Variants in HIVEP2 observed in about 807,000 individuals in gnomAD.
The protein encoded by HIVEP2 is HIVEP zinc finger 2, also known as transcription factor HIVEP2.
HIVEP2 carries 14 observed loss-of-function variants against 180.7 expected under a neutral mutation model. The ratio of observed to expected loss-of-function variants is 0.08; its 90% CI spans 0.05 to 0.12. HIVEP2 has a LOEUF of 0.12. Among genes scored for constraint, HIVEP2 ranks in the 10% least tolerant of loss-of-function variants. The pLI, the probability that HIVEP2 is intolerant of heterozygous loss-of-function variation, is 1.00. For synonymous variants in HIVEP2, 1,184 were observed against 1,136.4 expected (o/e 1.04, Z -0.84); for missense variants, 2,579 against 3,008.5 (o/e 0.86, Z 3.34).
chr6:142,928,326 C>A (rs1208270675), intron 1 of HIVEP2, among the ~76,000 whole-genome samples: 1 of 151,972 alleles, frequency 6.6e-6, no homozygotes, highest in African/African-American at 2.4e-5. Context: ...GCATTGTAAC[C>A]TATGAATTGA....
intron 2 of HIVEP2, among the ~76,000 whole-genome samples, chr6:142,820,112 A>C (rs895754362): frequency 1.3e-5 from 2 of 152,168 alleles, no homozygotes; most frequent in African/African-American, 2.4e-5. Context: ...TATAGAAAAA[A>C]GAAAGCAGCC....
intron 2 of HIVEP2, among the ~76,000 whole-genome samples, chr6:142,786,871 C>T (rs1776011209): frequency 1.3e-5 from 2 of 152,144 alleles, no homozygotes; most frequent in African/African-American, 4.8e-5. Flanking sequence ...CCTCCCATCA[C>T]CCTTGTTTTT....
At chr6:142,868,157 C>T (rs895890277) in intron 1 of HIVEP2, among the ~76,000 whole-genome samples, 1 of 152,196 alleles carries the variant, frequency 6.6e-6, no homozygotes, top group Non-Finnish European at 1.5e-5. Context: ...CTACAGTTCA[C>T]TTAACCTCAC....
intron 6 of HIVEP2, among the ~76,000 whole-genome samples, chr6:142,766,169 G>A (rs1304731833): frequency 1.3e-5 from 2 of 152,070 alleles, no homozygotes; most frequent in Admixed American, 6.5e-5. Flanking sequence ...TTTAAGAAAG[G>A]AAATCCATCC....
rs1314331896 is a variant in HIVEP2, at chr6:142,770,160, G to A, written c.4579C>T (p.Pro1527Ser). 1 of 1,614,240 alleles carries A rather than the reference G, an allele frequency of 6.2e-7. No individual in the cohort carries two copies. Among genetic ancestry groups the A allele is most frequent in the African/African-American group, 1.3e-5 (1 of 75,068 alleles). ...SLSPSSSQDYPSVSPSSREPF... is the reference protein window; with the variant it reads ...SLSPSSSQDYSSVSPSSREPF... ...TCCCTGGAAGACGGGCTAACAGAAG[G>A]ATAGTCTTGAGATGAGGAGGGCGAC... Residue 1527 changes from proline to serine, a missense_variant, in exon 5 of 10, where the codon CCT (proline) becomes TCT (serine). Around this residue, in one of 11 missense-constraint regions of HIVEP2, gnomAD observed 349 missense variants for 367.2 expected, o/e 0.95. Transcript: ENST00000367603. The surrounding 1 kb of genome is among the most constrained non-coding windows in gnomAD (Gnocchi z 4.7).
chr6:142,844,889 A>G (rs375139105), intron 1 of HIVEP2, among the ~76,000 whole-genome samples: 1 of 152,256 alleles, frequency 6.6e-6, no homozygotes, highest in Admixed American at 6.5e-5. Context: ...GAATGGTTGC[A>G]AAAACAATAA....
intron 2 of HIVEP2, among the ~76,000 whole-genome samples, chr6:142,824,239 A>G (rs1777118376): frequency 6.6e-6 from 1 of 152,228 alleles, no homozygotes; most frequent in South Asian, 2.1e-4. Flanking sequence ...TTTAAATTTT[A>G]AAGCTGCAAA....
intron 2 of HIVEP2, among the ~76,000 whole-genome samples, chr6:142,808,591 T>C (rs1452797341): frequency 6.9e-6 from 1 of 144,650 alleles, no homozygotes; most frequent in East Asian, 2.0e-4. Flanking sequence ...GACGGATGGA[T>C]AGATGGAGGG....
At chr6:142,781,320 C>T (rs771875534) in intron 3 of HIVEP2, among the ~76,000 whole-genome samples, 1 of 152,166 alleles carries the variant, frequency 6.6e-6, no homozygotes, top group Non-Finnish European at 1.5e-5. Flanking sequence ...ACTGAGATTT[C>T]CTTTTATGGT....
At chr6:142,843,863 G>C (rs1047392217) in intron 1 of HIVEP2, among the ~76,000 whole-genome samples, 17 of 152,176 alleles carry the variant, frequency 1.1e-4, no homozygotes, top group African/African-American at 3.9e-4. Context: ...ATATATTTAT[G>C]CATATGTATG....
chr6:142,835,283 G>T (rs922437015), intron 2 of HIVEP2, among the ~76,000 whole-genome samples: 1 of 152,132 alleles, frequency 6.6e-6, no homozygotes, highest in African/African-American at 2.4e-5. Flanking sequence ...AACTCACAGT[G>T]CAATACACAA....
intron 1 of HIVEP2, among the ~76,000 whole-genome samples, chr6:142,907,466 A>G (rs908305367): frequency 6.6e-6 from 1 of 152,226 alleles, no homozygotes; most frequent in African/African-American, 2.4e-5. Flanking sequence ...GCAATAAAAC[A>G]GTACCAGATA....
At position 142,771,167 on chromosome 6, in the gene HIVEP2, G is replaced by A. The variant is rs187782791; in HGVS notation, c.3572C>T (p.Pro1191Leu). The change falls in exon 5 of 10, where the codon CCA becomes CTA. Residue 1191 changes from proline to leucine, a missense_variant. Around this residue, in one of 11 missense-constraint regions of HIVEP2, gnomAD observed 523 missense variants for 577.0 expected, o/e 0.91. Transcript: ENST00000367603. This position sits in a 1 kb window ranked among gnomAD's most constrained non-coding sequence, Gnocchi z 5.4. ...KHLPEQPHLF[P>L]HQETIPFSPI... Reference sequence around the variant, plus strand: ...AGAAAATGGAATTGTCTCTTGATGTGGAAATAAGTGTGGCTGTTCAGGTAA... The same window carrying A: ...AGAAAATGGAATTGTCTCTTGATGTAGAAATAAGTGTGGCTGTTCAGGTAA... 1.9e-6 allele frequency: 3 copies of A among 1,614,212 alleles called. No homozygotes were observed. Among genetic ancestry groups the A allele is most frequent in the Admixed American group, 1.7e-5 (1 of 60,028 alleles).
chr6:142,918,067 C>T (rs960765373), intron 1 of HIVEP2, among the ~76,000 whole-genome samples: 4 of 150,966 alleles, frequency 2.6e-5, no homozygotes, highest in Admixed American at 2.6e-4. Flanking sequence ...GCCATCATGC[C>T]CGGAGCGTCT....
chr6:142,913,451 AT>A (rs1562290084), intron 1 of HIVEP2, among the ~76,000 whole-genome samples: 1 of 152,250 alleles, frequency 6.6e-6, no homozygotes, highest in East Asian at 1.9e-4. Flanking sequence ...TTGAAGAGTT[AT>A]CACACTGGTA....
At chr6:142,920,586 C>G (rs1047100201) in intron 1 of HIVEP2, among the ~76,000 whole-genome samples, 1 of 152,132 alleles carries the variant, frequency 6.6e-6, no homozygotes, top group African/African-American at 2.4e-5. Context: ...ACATAGGTAA[C>G]AGAAGAATAA....
intron 8 of HIVEP2, 40 bp downstream of exon 8, chr6:142,761,424 A>G: frequency 1.0e-6 from 1 of 985,772 alleles, no homozygotes; most frequent in Non-Finnish European, 1.6e-6. Context: ...TCCACTGTGC[A>G]TAATGAAGAG....
At position 142,774,348 on chromosome 6, in the gene HIVEP2, G is replaced by T; in HGVS notation, c.391C>A (p.Pro131Thr). Reference protein sequence around the residue: ...GPPWLFPGPLPSVASEDLFPF... With the variant: ...GPPWLFPGPLTSVASEDLFPF... ...AATAAGTCCTCAGAGGCAACGGATG[G>T]CAAAGGGCCAGGGAAAAGCCACGGA... Residue 131 changes from proline to threonine, a missense_variant, in exon 5 of 10, where the codon CCA (proline) becomes ACA (threonine). Transcript: ENST00000367603. The surrounding 1 kb of genome is among the most constrained non-coding windows in gnomAD (Gnocchi z 5.1). The T allele has an allele frequency of 1.2e-6, 2 of 1,614,218 alleles. No individual in the cohort carries two copies. The highest frequency in any genetic ancestry group is 1.7e-6 in the Non-Finnish European group (2 of 1,180,040).
At chr6:142,882,049 C>T (rs538322254) in intron 1 of HIVEP2, among the ~76,000 whole-genome samples, 23 of 152,322 alleles carry the variant, frequency 1.5e-4, no homozygotes, top group Admixed American at 1.4e-3. Context: ...ATCACGCTCT[C>T]TCCTGACATC....
Sources: allele counts gnomAD v4.1 joint callset (sites outside exome capture counted in the v4.1 genomes callset), GRCh38; gene constraint gnomAD v4.1.1; regional missense constraint gnomAD v4.1.1; non-coding constraint Gnocchi (gnomAD v3.1); transcripts MANE v1.5; gene names NCBI Gene and HGNC (gene_info 2026-07-23, HGNC 2026-07-21).